RPS6KA2: variants seen among roughly 807,000 people sequenced by gnomAD.
RPS6KA2 encodes the protein ribosomal protein S6 kinase A2, also known as ribosomal protein S6 kinase alpha-2.
In RPS6KA2, 42 loss-of-function variants were observed where a neutral mutation model predicts 91.8. The observed-to-expected ratio is 0.46, with a 90% confidence interval of 0.36 to 0.59. The LOEUF is 0.59. Ranked by LOEUF, RPS6KA2 falls within the 20% of genes least tolerant of loss-of-function variation. RPS6KA2 has a pLI of 0.00. For missense variants in RPS6KA2, 798 were observed against 978.5 expected (o/e 0.82, Z 2.46); for synonymous variants, 414 against 393.6 (o/e 1.05, Z -0.61).
intron 2 of RPS6KA2, among the ~76,000 whole-genome samples, chr6:166,730,387 T>C (rs1790476188): frequency 6.6e-6 from 1 of 152,238 alleles, no homozygotes; most frequent in Non-Finnish European, 1.5e-5. Flanking sequence ...AAATATGTCA[T>C]CAGTCATAAT....
chr6:166,861,608 A>G (rs938518608), intron 1 of RPS6KA2, among the ~76,000 whole-genome samples: 2 of 152,184 alleles, frequency 1.3e-5, no homozygotes, highest in Non-Finnish European at 2.9e-5. Flanking sequence ...TTATCTGACC[A>G]TTCATCCTTT....
rs115596107 is a variant in RPS6KA2, at chr6:166,849,844, T to C, written c.123+8356A>G. Among the ~76,000 whole-genome samples, 966 of 152,312 alleles carry C rather than the reference T, an allele frequency of 6.3e-3. 12 individuals are homozygous for C. Among genetic ancestry groups the C allele is most frequent in the African/African-American group, 0.022 (919 of 41,546 alleles). On this transcript the variant is annotated intron_variant, in intron 2 of 21. Transcript: ENST00000503859. The surrounding 1 kb of genome is among the most constrained non-coding windows in gnomAD (Gnocchi z 4.9). Reference sequence around the variant, plus strand: ...TTGGAAATGGTTTTATAGGGTTTGCTCCATCTGTTCTACATAAGACAGAAG... The same window carrying C: ...TTGGAAATGGTTTTATAGGGTTTGCCCCATCTGTTCTACATAAGACAGAAG...
At chr6:166,807,014 T>C (rs1210659728) in intron 2 of RPS6KA2, among the ~76,000 whole-genome samples, 3 of 152,138 alleles carry the variant, frequency 2.0e-5, no homozygotes, top group Non-Finnish European at 2.9e-5. Context: ...CTAAATAATA[T>C]ACACATATAA....
chr6:166,432,235 G>A (rs1353727297), intron 15 of RPS6KA2, among the ~76,000 whole-genome samples, 166 bp downstream of exon 15: 1 of 152,164 alleles, frequency 6.6e-6, no homozygotes, highest in Non-Finnish European at 1.5e-5. Context: ...AAAGACTTGA[G>A]TACACAGTCC....
At chr6:166,694,653 C>G (rs929062241) in intron 2 of RPS6KA2, among the ~76,000 whole-genome samples, 1 of 152,214 alleles carries the variant, frequency 6.6e-6, no homozygotes, top group African/African-American at 2.4e-5. Flanking sequence ...ATGGTGAGAA[C>G]CCTTTACCTT....
intron 2 of RPS6KA2, among the ~76,000 whole-genome samples, chr6:166,761,184 C>T (rs1433781084): frequency 1.3e-5 from 2 of 152,130 alleles, no homozygotes; most frequent in Non-Finnish European, 2.9e-5. Context: ...GTATTTTAGC[C>T]TCTTAAGTAG....
Position 166,572,681 on chromosome 6 carries a change from C to G in RPS6KA2, c.100-33897G>C, listed in dbSNP as rs148823170. ...GGATAGGGGACCAGGGTGGCTGAAC[C>G]TGGACCAGCAAGGCCCCCTTTCCTC... is the stretch of plus-strand genomic sequence containing the variant. On this transcript the variant is annotated intron_variant, in intron 1 of 20. Coordinates refer to ENST00000265678, the MANE Select transcript of RPS6KA2 (RefSeq NM_021135.6). Among the ~76,000 whole-genome samples, 1,200 of 152,362 alleles carry G rather than the reference C, an allele frequency of 7.9e-3. 13 individuals are homozygous for G. The highest frequency in any genetic ancestry group is 0.025 in the African/African-American group (1,031 of 41,590).
chr6:166,815,159 C>T (rs953020963), intron 2 of RPS6KA2, among the ~76,000 whole-genome samples: 88 of 152,316 alleles, frequency 5.8e-4, no homozygotes, highest in African/African-American at 1.9e-3. Context: ...ATTAAAGAAA[C>T]TAATGAAAAG....
rs544551949 is a variant in RPS6KA2, at chr6:166,523,039, T to C, written c.298+8193A>G. Among the ~76,000 whole-genome samples, 389 of 152,334 alleles carry C rather than the reference T, an allele frequency of 2.6e-3. 1 individual carries two copies. The highest frequency in any genetic ancestry group is 9.0e-3 in the African/African-American group (375 of 41,590). ...CTCTTAACTACTTACACTGCAGAGG[T>C]ATTAAAGATGACAAGTAATGAAAAA... is the stretch of plus-strand genomic sequence containing the variant. On this transcript the variant is annotated intron_variant, in intron 3 of 20. Transcript: ENST00000265678.
intron 2 of RPS6KA2, among the ~76,000 whole-genome samples, chr6:166,817,207 C>G (rs997584742): frequency 2.0e-5 from 3 of 152,192 alleles, no homozygotes; most frequent in Admixed American, 6.5e-5. Flanking sequence ...GCTGCTCCCC[C>G]CTTAGCACCA....
At chr6:166,446,983 A>T (rs1426470943) in intron 14 of RPS6KA2, among the ~76,000 whole-genome samples, 1 of 152,226 alleles carries the variant, frequency 6.6e-6, no homozygotes, top group African/African-American at 2.4e-5. Context: ...GGCAGAATAC[A>T]GGTCTGCTCT....
At chr6:166,539,672 C>A (rs1030680024) in intron 1 of RPS6KA2, among the ~76,000 whole-genome samples, 1 of 152,202 alleles carries the variant, frequency 6.6e-6, no homozygotes, top group Admixed American at 6.5e-5. Context: ...AAAACACTGA[C>A]AGAAAACACT....
chr6:166,804,197 C>T (rs1779436540), intron 2 of RPS6KA2, among the ~76,000 whole-genome samples: 1 of 151,234 alleles, frequency 6.6e-6, no homozygotes, highest in African/African-American at 2.4e-5. Context: ...ACTAGTAAAG[C>T]CAGAGTTAAC....
At chr6:166,457,627 A>G (rs1460734637) in intron 12 of RPS6KA2, among the ~76,000 whole-genome samples, 1 of 152,214 alleles carries the variant, frequency 6.6e-6, no homozygotes, top group Non-Finnish European at 1.5e-5. Context: ...CCTGGTTTAC[A>G]GTGCCCGGAA....
chr6:166,550,818 C>G (rs374207489), intron 1 of RPS6KA2, among the ~76,000 whole-genome samples: 40 of 151,900 alleles, frequency 2.6e-4, no homozygotes, highest in Admixed American at 1.8e-3. Flanking sequence ...CTGGCTAACA[C>G]GGTGAAACCC....
At chr6:166,793,108 A>G (rs1176973022) in intron 2 of RPS6KA2, among the ~76,000 whole-genome samples, 1 of 152,120 alleles carries the variant, frequency 6.6e-6, no homozygotes, top group Non-Finnish European at 1.5e-5. Flanking sequence ...AGAAAACCCC[A>G]CTGTCTCAGC....
chr6:166,486,100 G>A (rs533201020), intron 10 of RPS6KA2, among the ~76,000 whole-genome samples: 13 of 152,318 alleles, frequency 8.5e-5, no homozygotes, highest in African/African-American at 2.2e-4. Context: ...AACGACGACC[G>A]TCACCACTGA....
intron 2 of RPS6KA2, among the ~76,000 whole-genome samples, chr6:166,714,760 C>T (rs574208328): frequency 3.0e-4 from 46 of 152,356 alleles, no homozygotes; most frequent in African/African-American, 1.0e-3. Flanking sequence ...ACTCGGACTT[C>T]CAGCCTCTGG....
At chr6:166,835,019 T>A (rs1205455849) in intron 2 of RPS6KA2, among the ~76,000 whole-genome samples, 1 of 152,296 alleles carries the variant, frequency 6.6e-6, no homozygotes, top group Non-Finnish European at 1.5e-5. Flanking sequence ...GCTTATCTTT[T>A]TGTTTATAAA....
Sources: allele counts gnomAD v4.1 joint callset (sites outside exome capture counted in the v4.1 genomes callset), GRCh38; gene constraint gnomAD v4.1.1; non-coding constraint Gnocchi (gnomAD v3.1); transcripts MANE v1.5; gene names NCBI Gene and HGNC (gene_info 2026-07-23, HGNC 2026-07-21).